MTRR: variants seen among roughly 807,000 people sequenced by gnomAD.
MTRR encodes 5-methyltetrahydrofolate-homocysteine methyltransferase reductase, also known as methionine synthase reductase.
In MTRR, 63 loss-of-function variants were observed where a neutral mutation model predicts 79.2. That is an observed-to-expected ratio of 0.80 (90% CI 0.65 to 0.98). MTRR has a LOEUF of 0.98. MTRR is among the 50% of genes least tolerant of loss of function. The probability of loss-of-function intolerance (pLI) is 0.00; values close to 1 mark genes in which losing one functional copy is unlikely to be tolerated. For missense variants in MTRR, 895 were observed against 839.6 expected (o/e 1.07, Z -0.82); for synonymous variants, 355 against 313.3 (o/e 1.13, Z -1.41).
Position 7,885,698 on chromosome 5 carries a change from T to C in MTRR, c.904-3T>C. The stretch of plus-strand genomic sequence containing the variant: ...TTTTTTTTTCATTTTGGCTCTTCTC[T>C]AGAATACAGACTTTTCCTATCAGCC... On this transcript the variant is annotated splice_polypyrimidine_tract_variant and splice_region_variant and intron_variant, in intron 6 of 14. Transcript: ENST00000440940. 6.2e-7 allele frequency: 1 copy of C among 1,613,058 alleles called. No individual in the cohort carries two copies. The highest frequency in any genetic ancestry group is 1.1e-5 in the South Asian group (1 of 91,034).
chr5:7,871,648 A>G (rs942398702), intron 2 of MTRR, among the ~76,000 whole-genome samples: 1 of 152,108 alleles, frequency 6.6e-6, no homozygotes, highest in Non-Finnish European at 1.5e-5. Context: ...CAAGTGCACA[A>G]CCCTCTCTGG....
intron 14 of MTRR, among the ~76,000 whole-genome samples, chr5:7,898,644 G>T (rs1015108114): frequency 1.3e-5 from 2 of 152,136 alleles, no homozygotes; most frequent in Admixed American, 6.5e-5. Flanking sequence ...TGAGTCAAAT[G>T]AGAAGACAGC....
chr5:7,863,119 C>T, intron 2 of MTRR: 1 of 822,216 alleles, frequency 1.2e-6, no homozygotes, highest in East Asian at 2.5e-5. Context: ...GATACTTTTC[C>T]AGGAATTGGG....
chr5:7,900,126 G>T lies in MTRR; in HGVS notation c.*68G>T, dbSNP rs1050651991. On this transcript the variant is annotated 3_prime_UTR_variant, in exon 15 of 15. Transcript: ENST00000440940. Reference sequence around the variant, plus strand: ...AGTACTAAAAGTCAGCTTTACTAGTGCCAAACCTTTAAATTTTCAAAAGAA... The same window carrying T: ...AGTACTAAAAGTCAGCTTTACTAGTTCCAAACCTTTAAATTTTCAAAAGAA... The T allele has an allele frequency of 3.2e-6, 5 of 1,560,180 alleles. No individual in the cohort carries two copies. Among genetic ancestry groups the T allele is most frequent in the Non-Finnish European group, 3.5e-6 (4 of 1,151,130 alleles).
Position 7,873,436 on chromosome 5 carries a change from C to T in MTRR, c.193C>T (p.Pro65Ser). 1 of 1,614,146 alleles carries T rather than the reference C, an allele frequency of 6.2e-7. No homozygotes were observed. The highest frequency in any genetic ancestry group is 1.1e-5 in the South Asian group (1 of 91,072). ...GGTTTCTACCACGGGCACCGGAGAC[C>T]CACCCGACACAGCCCGCAAGTTTGT... The part of the protein sequence containing the change: ...VVVSTTGTGD[P>S]PDTARKFVKE... Residue 65 changes from proline to serine, a missense_variant, in exon 3 of 15, where the codon CCA becomes TCA. Coordinates refer to ENST00000440940, the MANE Select transcript of MTRR (RefSeq NM_002454.3).
chr5:7,880,323 A>G (rs1213598709), intron 5 of MTRR, among the ~76,000 whole-genome samples: 2 of 152,226 alleles, frequency 1.3e-5, no homozygotes, highest in Non-Finnish European at 2.9e-5. Context: ...AAATTTATAC[A>G]TTGTTCCAGC....
intron 1 of MTRR, chr5:7,861,368 G>C (rs1036285142): frequency 1.6e-6 from 1 of 621,526 alleles, no homozygotes; most frequent in South Asian, 4.2e-5. Flanking sequence ...CTATTACTAT[G>C]TGCCAATATT....
At chr5:7,884,309 G>A (rs558892894) in intron 6 of MTRR, among the ~76,000 whole-genome samples, 3 of 152,232 alleles carry the variant, frequency 2.0e-5, no homozygotes, top group South Asian at 2.1e-4. Context: ...TAGTATCTTC[G>A]AAGGATTTGT....
chr5:7,863,093 A>G, intron 2 of MTRR: 1 of 1,032,650 alleles, frequency 9.7e-7, no homozygotes, highest in Non-Finnish European at 1.5e-6. Flanking sequence ...TTGATATAAC[A>G]TTACTTTATA....
At chr5:7,894,525 T>C (rs1318878412) in intron 11 of MTRR, among the ~76,000 whole-genome samples, 1 of 152,230 alleles carries the variant, frequency 6.6e-6, no homozygotes, top group Non-Finnish European at 1.5e-5. Flanking sequence ...GAAAGTGTGC[T>C]GTTGTCACAG....
upstream of MTRR, chr5:7,867,481 C>G: frequency 6.2e-7 from 1 of 1,614,210 alleles, no homozygotes; most frequent in Non-Finnish European, 8.5e-7. Context: ...GGCATTCTGC[C>G]ACCAGGTTCA....
At chr5:7,879,059 G>A (rs1278682548) in intron 5 of MTRR, among the ~76,000 whole-genome samples, 1 of 152,058 alleles carries the variant, frequency 6.6e-6, no homozygotes. Context: ...TAAACACCTG[G>A]TATGATAGCA....
chr5:7,891,471 G>C lies in MTRR; in HGVS notation c.1370+57G>C, dbSNP rs1482855269. The C allele has an allele frequency of 2.2e-6, 3 of 1,386,022 alleles. No homozygotes were observed. The East Asian group carries it at 7.0e-5, about 32-fold the overall frequency. 85.9% of individuals were successfully genotyped at this position (1,386,022 alleles called of 1,614,324 possible). A position where few individuals can be genotyped will look rare whatever the true frequency, so the allele number is the denominator to read the frequency against. ...TTGTTTCTCCAAAATCTTAGACTCA[G>C]GCTTCCAGATCATTAGAGTTTACTA... On this transcript the variant is annotated intron_variant, in intron 10 of 14. Transcript: ENST00000440940.
intron 1 of MTRR, among the ~76,000 whole-genome samples, chr5:7,869,879 T>TC (rs1747606413): frequency 6.6e-6 from 1 of 152,252 alleles, no homozygotes; most frequent in Non-Finnish European, 1.5e-5. Context: ...TGTAGTGTTT[T>TC]CATATTGTTT....
At position 7,873,562 on chromosome 5, in the gene MTRR, A is replaced by G. The variant is rs755219927; in HGVS notation, c.283+36A>G. On this transcript the variant is annotated intron_variant, in intron 3 of 14. Transcript: ENST00000440940. ...CTCTCTTCTGATCTTACTATAGTAT[A>G]CTATTGATATCTCTGGTATCTGAAT... 7 of 1,606,288 alleles carry G rather than the reference A, an allele frequency of 4.4e-6. No homozygotes were observed. The East Asian group carries it at 1.1e-4, about 26-fold the overall frequency.
intron 3 of MTRR, among the ~76,000 whole-genome samples, chr5:7,874,033 G>T (rs1748453037): frequency 6.6e-6 from 1 of 152,194 alleles, no homozygotes; most frequent in African/African-American, 2.4e-5. Context: ...TGATTCTGAT[G>T]TAATTATTCC....
intron 2 of MTRR, chr5:7,862,918 T>C (rs1205025690): frequency 1.4e-5 from 22 of 1,614,060 alleles, no homozygotes; most frequent in Non-Finnish European, 1.9e-5. Flanking sequence ...TCTATAAAGC[T>C]GAGAATCCAC....
upstream of MTRR, among the ~76,000 whole-genome samples, chr5:7,866,300 A>AAT (rs1339322308): frequency 7.5e-6 from 1 of 132,830 alleles, no homozygotes; most frequent in African/African-American, 2.7e-5. Context: ...TAAGATGAAT[A>AAT]ATACCATCCT....
upstream of MTRR, chr5:7,868,024 T>G (rs766064274): frequency 1.2e-6 from 2 of 1,613,562 alleles, no homozygotes; most frequent in Admixed American, 1.7e-5. Context: ...CAGCCAGAGC[T>G]CTATGCATCT....
Sources: allele counts gnomAD v4.1 joint callset (sites outside exome capture counted in the v4.1 genomes callset), GRCh38; gene constraint gnomAD v4.1.1; transcripts MANE v1.5; gene names NCBI Gene and HGNC (gene_info 2026-07-23, HGNC 2026-07-21).